Variants in LRRFIP2 observed in about 807,000 individuals in gnomAD.
The protein encoded by LRRFIP2 is LRR binding FLII interacting protein 2, also known as leucine-rich repeat flightless-interacting protein 2.
In LRRFIP2, 109 loss-of-function variants were observed where a neutral mutation model predicts 125.9. That is an observed-to-expected ratio of 0.87 (90% confidence interval 0.74 to 1.01). The LOEUF (loss-of-function observed/expected upper bound fraction) is 1.01, where lower values mean the gene tolerates loss of function less well. Among genes scored for constraint, LRRFIP2 ranks in the 50% least tolerant of loss-of-function variants. The pLI is 0.00. For synonymous variants in LRRFIP2, 291 were observed against 293.1 expected (o/e 0.99, Z 0.07); for missense variants, 850 against 862.3 (o/e 0.99, Z 0.18).
rs548918941 is a variant in LRRFIP2, at chr3:37,117,747, G to C, written c.331-2652C>G. Among the ~76,000 whole-genome samples, 4 of 152,196 alleles carry C rather than the reference G, an allele frequency of 2.6e-5. No homozygotes were observed. In the South Asian group the frequency reaches 8.3e-4, roughly 32 times the overall value. ...GTTCAGCAAGTGTCAATCTCTATTA[G>C]AATGTACCTATTACTCAAATATCAA... On this transcript the variant is annotated intron_variant, in intron 6 of 27. Coordinates refer to ENST00000336686, the MANE Select transcript of LRRFIP2 (RefSeq NM_006309.4).
intron 17 of LRRFIP2, 99 bp from the exon 18 acceptor site, chr3:37,091,637 C>T: frequency 1.3e-6 from 1 of 788,778 alleles, no homozygotes; most frequent in South Asian, 1.9e-5. Flanking sequence ...TTGTATATTC[C>T]AGACTAAAAG....
chr3:37,116,431 C>T (rs974990414), intron 6 of LRRFIP2, among the ~76,000 whole-genome samples: 1 of 152,090 alleles, frequency 6.6e-6, no homozygotes, highest in East Asian at 1.9e-4. Context: ...GCCACCGTAC[C>T]CTGCCCTCAA....
At position 37,076,791 on chromosome 3, in the gene LRRFIP2, G is replaced by A. The variant is rs560013480; in HGVS notation, c.1279-1675C>T. On this transcript the variant is annotated intron_variant, in intron 19 of 27. Coordinates refer to ENST00000336686, the MANE Select transcript of LRRFIP2 (RefSeq NM_006309.4). ...TGAGGCAGGAGAATTGCTTGAACCT[G>A]GGAGGCGGAGATTGTGGTGAGCCGA... Among the ~76,000 whole-genome samples the A allele has an allele frequency of 7.9e-5, 12 of 152,168 alleles. No individual in the cohort carries two copies. The East Asian group carries it at 2.3e-3, about 29-fold the overall frequency.
chr3:37,151,355 T>A (rs1160911197), intron 1 of LRRFIP2, among the ~76,000 whole-genome samples: 3 of 148,390 alleles, frequency 2.0e-5, no homozygotes, highest in Admixed American at 1.3e-4. Context: ...CAAGACTCCA[T>A]CTCAAAAAAA....
chr3:37,124,040 T>TA (rs1436319857), intron 4 of LRRFIP2, among the ~76,000 whole-genome samples: 5 of 152,216 alleles, frequency 3.3e-5, no homozygotes, highest in Non-Finnish European at 1.5e-5. Context: ...ACAGGTCAGT[T>TA]AATTTGGACA....
At chr3:37,173,720 C>T (rs924488168) in intron 1 of LRRFIP2, among the ~76,000 whole-genome samples, 21 of 152,168 alleles carry the variant, frequency 1.4e-4, no homozygotes, top group African/African-American at 4.8e-4. Flanking sequence ...TTCTATATAT[C>T]ATCAACTCTG....
intron 4 of LRRFIP2, 109 bp from the exon 5 acceptor site, chr3:37,121,800 G>T (rs2095056063): frequency 9.8e-7 from 1 of 1,021,276 alleles, no homozygotes; most frequent in African/African-American, 1.6e-5. Context: ...ACTCCTGAGA[G>T]CAGGCAGGTT....
At chr3:37,064,322 T>A (rs1030214804) in intron 23 of LRRFIP2, 1 of 154,566 alleles carries the variant, frequency 6.5e-6, no homozygotes, top group Non-Finnish European at 1.4e-5. Flanking sequence ...CCAGGTGTGG[T>A]GGCTCACGCC....
At chr3:37,054,905 A>G (rs1034982333) in intron 26 of LRRFIP2, among the ~76,000 whole-genome samples, 181 bp downstream of exon 26, 2 of 152,204 alleles carry the variant, frequency 1.3e-5, no homozygotes, top group Non-Finnish European at 2.9e-5. Flanking sequence ...ATAGTTTCCT[A>G]TGGTTTTAGA....
upstream of LRRFIP2, chr3:37,176,256 C>T (rs995220109): frequency 7.2e-5 from 11 of 152,298 alleles, no homozygotes; most frequent in African/African-American, 2.7e-4. Context: ...GCCGATGTGC[C>T]CTCTGCGCCG....
chr3:37,158,950 A>G (rs1467606046), intron 1 of LRRFIP2, among the ~76,000 whole-genome samples: 1 of 152,230 alleles, frequency 6.6e-6, no homozygotes, highest in African/African-American at 2.4e-5. Flanking sequence ...AAATAAAAGT[A>G]AAGAGACCAG....
chr3:37,122,395 A>T (rs1045292093), intron 4 of LRRFIP2, among the ~76,000 whole-genome samples: 2 of 152,176 alleles, frequency 1.3e-5, no homozygotes, highest in East Asian at 3.9e-4. Flanking sequence ...TGGTCTGTAT[A>T]AGACCAAGAG....
Position 37,148,991 on chromosome 3 carries a change from T to C in LRRFIP2, c.-8A>G. The C allele has an allele frequency of 1.2e-6, 2 of 1,613,722 alleles. No individual in the cohort carries two copies. Among genetic ancestry groups the C allele is most frequent in the Non-Finnish European group, 1.7e-6 (2 of 1,179,888 alleles). On this transcript the variant is annotated 5_prime_UTR_variant, in exon 2 of 28. Transcript: ENST00000336686. ...AGAAGCAGGAGTCCCCATCTTGTGT[T>C]CTTAATAGTCTTTTAACTTTGAAAG...
intron 1 of LRRFIP2, among the ~76,000 whole-genome samples, chr3:37,165,705 G>A (rs553174634): frequency 2.7e-5 from 4 of 150,688 alleles, no homozygotes; most frequent in African/African-American, 7.3e-5. Context: ...CAGTGAGCCC[G>A]AGATTACACC....
At chr3:37,064,858 C>T (rs1209794526) in intron 23 of LRRFIP2, 2 of 152,116 alleles carry the variant, frequency 1.3e-5, no homozygotes, top group African/African-American at 4.8e-5. Context: ...GACCTGCAGA[C>T]GAGGGAAAAA....
At chr3:37,156,047 G>T (rs961204091) in intron 1 of LRRFIP2, among the ~76,000 whole-genome samples, 1 of 152,006 alleles carries the variant, frequency 6.6e-6, no homozygotes, top group African/African-American at 2.4e-5. Context: ...GCGAATTTTT[G>T]TATTTTTGGT....
In LRRFIP2 at chr3:37,072,967, C is replaced by T. The variant is rs983018430; in HGVS notation, c.1372-85G>A. Reference sequence around the variant, plus strand: ...TTGAGGGAGGAAACAAAAATAAAGCCGATAAAGAAACTTAACCAAAAGGGA... The same window carrying T: ...TTGAGGGAGGAAACAAAAATAAAGCTGATAAAGAAACTTAACCAAAAGGGA... On this transcript the variant is annotated intron_variant, in intron 20 of 27. Coordinates refer to ENST00000336686, the MANE Select transcript of LRRFIP2 (RefSeq NM_006309.4). 3.5e-6 allele frequency: 3 copies of T among 850,814 alleles called. No homozygotes were observed. In the East Asian group the frequency reaches 7.8e-5, roughly 22 times the overall value. The allele number at this position is 850,814 out of a possible 1,614,324, so 52.7% of individuals were successfully genotyped here.
intron 21 of LRRFIP2, chr3:37,066,617 A>G (rs2090209805): frequency 7.3e-6 from 2 of 275,634 alleles, no homozygotes; most frequent in East Asian, 1.4e-4. Context: ...AAAAAATAAA[A>G]CAGGAAAAGG....
At chr3:37,137,945 C>A (rs2095599098) in intron 2 of LRRFIP2, among the ~76,000 whole-genome samples, 1 of 152,200 alleles carries the variant, frequency 6.6e-6, no homozygotes, top group Admixed American at 6.5e-5. Context: ...TCCCTTGAAT[C>A]CATCCTCTCC....
Sources: gnomAD v4.1 joint callset for allele counts (sites outside exome capture counted in the v4.1 genomes callset) on GRCh38, gnomAD v4.1.1 for gene constraint, MANE v1.5 for transcripts, NCBI Gene and HGNC (gene_info 2026-07-23, HGNC 2026-07-21) for gene names.